The following KIAA1549L variants were observed in gnomAD, a reference collection of about 807,000 sequenced individuals.
KIAA1549L encodes KIAA1549 like.
KIAA1549L carries 88 observed loss-of-function variants against 160.7 expected under a neutral mutation model. That is an observed-to-expected ratio of 0.55 (90% CI 0.46 to 0.65). The LOEUF is 0.65. Among genes scored for constraint, KIAA1549L ranks in the 30% least tolerant of loss-of-function variants. KIAA1549L has a pLI of 0.00. For missense variants in KIAA1549L, 2,258 were observed against 2,437.5 expected, an observed-to-expected ratio of 0.93 and a Z score of 1.55; for synonymous variants, 950 against 976.7, an observed-to-expected ratio of 0.97 and a Z score of 0.51.
At chr11:33,430,280 C>G (rs1387524674) in intron 1 of KIAA1549L, among the ~76,000 whole-genome samples, 13 of 148,948 alleles carry the variant, frequency 8.7e-5, no homozygotes, top group African/African-American at 3.0e-4. Flanking sequence ...CTCCCTCCAC[C>G]TATAGGACCT....
intron 5 of KIAA1549L, among the ~76,000 whole-genome samples, chr11:33,551,667 T>C (rs1854467948): frequency 6.6e-6 from 1 of 152,230 alleles, no homozygotes; most frequent in African/African-American, 2.4e-5. Flanking sequence ...ATATATTTTT[T>C]TCAAACTCTC....
At chr11:33,423,923 G>T (rs1026745575) in intron 1 of KIAA1549L, among the ~76,000 whole-genome samples, 1 of 152,160 alleles carries the variant, frequency 6.6e-6, no homozygotes, top group Admixed American at 6.5e-5. Flanking sequence ...CAGCTAGTCT[G>T]CAGGCTGAGG....
At chr11:33,666,708 T>C (rs1408640030) in intron 20 of KIAA1549L, among the ~76,000 whole-genome samples, 1 of 152,238 alleles carries the variant, frequency 6.6e-6, no homozygotes, top group Non-Finnish European at 1.5e-5. Flanking sequence ...CTTCCACTTT[T>C]GATGAAGAGA....
chr11:33,544,969 C>A lies in KIAA1549L; in HGVS notation c.2976C>A (p.Gly992=), dbSNP rs1854188356. ...ATGTCACAAACAAGGCCGCATCTGG[C>A]CCAAAGAGGACACCAGGGGCAGTCC... ...AKNVTNKAAS[G]PKRTPGAVHT... Residue 992 remains glycine (G), a synonymous_variant, in exon 3 of 21, where the codon GGC becomes GGA. Coordinates refer to ENST00000658780, the MANE Select transcript of KIAA1549L (RefSeq NM_012194.3). 1 of 1,613,860 alleles carries A rather than the reference C, an allele frequency of 6.2e-7. No homozygotes were observed. Among genetic ancestry groups the A allele is most frequent in the Admixed American group, 1.7e-5 (1 of 60,006 alleles).
intron 12 of KIAA1549L, among the ~76,000 whole-genome samples, chr11:33,592,717 T>A (rs956533870): frequency 8.5e-5 from 13 of 152,130 alleles, no homozygotes; most frequent in African/African-American, 3.1e-4. Flanking sequence ...CAGGTGGTGA[T>A]GAGTACAAAG....
intron 10 of KIAA1549L, among the ~76,000 whole-genome samples, chr11:33,581,397 T>TTGTGTGTGTG (rs10579855): frequency 1.5e-4 from 22 of 149,776 alleles, no homozygotes; most frequent in African/African-American, 5.4e-4. Flanking sequence ...TTCTGACAAA[T>TTGTGTGTGTG]TGTGTGTGTG....
At chr11:33,395,323 G>A (rs756250088) in intron 1 of KIAA1549L, among the ~76,000 whole-genome samples, 1 of 152,128 alleles carries the variant, frequency 6.6e-6, no homozygotes, top group Non-Finnish European at 1.5e-5. Context: ...TGTTCATAAC[G>A]CGCTTAACTC....
intron 1 of KIAA1549L, among the ~76,000 whole-genome samples, chr11:33,503,830 A>G (rs1010674086): frequency 6.6e-6 from 1 of 152,248 alleles, no homozygotes; most frequent in Admixed American, 6.5e-5. Context: ...TTCAATTATT[A>G]ACTTGTTCTC....
intron 5 of KIAA1549L, among the ~76,000 whole-genome samples, 151 bp downstream of exon 5, chr11:33,551,410 C>A (rs758818480): frequency 7.9e-5 from 12 of 152,152 alleles, no homozygotes; most frequent in Non-Finnish European, 1.3e-4. Context: ...ATCAAATGTC[C>A]CAGTTCCTTG....
intron 16 of KIAA1549L, among the ~76,000 whole-genome samples, chr11:33,645,143 C>G (rs527340196): frequency 6.6e-6 from 1 of 152,190 alleles, no homozygotes; most frequent in Non-Finnish European, 1.5e-5. Flanking sequence ...CTGGGCCTCA[C>G]CCCCAGAGCT....
intron 16 of KIAA1549L, among the ~76,000 whole-genome samples, chr11:33,638,650 T>C (rs1411305285): frequency 6.6e-6 from 1 of 152,174 alleles, no homozygotes; most frequent in East Asian, 1.9e-4. Flanking sequence ...TCATTTATTT[T>C]GGATAAATAT....
At chr11:33,413,553 C>T (rs910907923) in intron 1 of KIAA1549L, among the ~76,000 whole-genome samples, 1 of 151,824 alleles carries the variant, frequency 6.6e-6, no homozygotes. Flanking sequence ...CTTAACAATC[C>T]TAAGTTAGGA....
intron 15 of KIAA1549L, among the ~76,000 whole-genome samples, chr11:33,612,170 G>A (rs1450379612): frequency 6.6e-6 from 1 of 152,212 alleles, no homozygotes; most frequent in Non-Finnish European, 1.5e-5. Flanking sequence ...GATGAGAATG[G>A]GGAGGGACAG....
intron 11 of KIAA1549L, among the ~76,000 whole-genome samples, chr11:33,587,111 A>T (rs575368554): frequency 6.6e-6 from 1 of 152,336 alleles, no homozygotes; most frequent in Non-Finnish European, 1.5e-5. Context: ...TTAAGTTAAT[A>T]TATATACATC....
rs1282770696 is a variant in KIAA1549L at position 33,668,413 on chromosome 11, T to G, written c.*259T>G. The stretch of plus-strand genomic sequence containing the variant: ...ACTCTCTCATGTCAAATGTTTGAAC[T>G]TTGGGCATGTGCCCTATGGAAGCTT... On this transcript the variant is annotated 3_prime_UTR_variant, in exon 21 of 21. Transcript: ENST00000658780. 8 of 519,148 alleles carry G rather than the reference T, an allele frequency of 1.5e-5. No homozygotes were observed. The highest frequency in any genetic ancestry group is 1.7e-5 in the Non-Finnish European group (5 of 289,944). The allele number at this position is 519,148 out of a possible 1,614,324, so 32.2% of individuals were successfully genotyped here.
intron 1 of KIAA1549L, among the ~76,000 whole-genome samples, chr11:33,487,825 C>G (rs1206254069): frequency 6.6e-6 from 1 of 152,104 alleles, no homozygotes; most frequent in African/African-American, 2.4e-5. Flanking sequence ...TTAGGATTCA[C>G]AGTTGATCAG....
chr11:33,543,855 G>A lies in KIAA1549L; in HGVS notation c.2292G>A (p.Gly764=), dbSNP rs367575104. Reference sequence around the variant, plus strand: ...CTCAGGATTTCAAAGATACTGCTGGGCATTCAGTGACTGCAGAAGGGTTTA... The same window carrying A: ...CTCAGGATTTCAAAGATACTGCTGGACATTCAGTGACTGCAGAAGGGTTTA... The part of the protein sequence containing the change: ...IKSQDFKDTA[G]HSVTAEGFSI... The change falls in exon 2 of 21, where the codon GGG becomes GGA. Residue 764 remains glycine, a synonymous_variant. Transcript: ENST00000658780. 1 of 1,614,002 alleles carries A rather than the reference G, an allele frequency of 6.2e-7. No individual in the cohort carries two copies. Among genetic ancestry groups the A allele is most frequent in the East Asian group, 2.2e-5 (1 of 44,886 alleles).
At chr11:33,606,241 C>T (rs1169537978) in intron 13 of KIAA1549L, among the ~76,000 whole-genome samples, 2 of 152,164 alleles carry the variant, frequency 1.3e-5, no homozygotes, top group Admixed American at 6.5e-5. Flanking sequence ...GAACTGAATG[C>T]TGTTAGTCTG....
At position 33,465,046 on chromosome 11, in the gene KIAA1549L, CTTTTTTTTTTTTT is replaced by C. The variant is rs1008261470; in HGVS notation, c.239-76741_239-76729del. Among the ~76,000 whole-genome samples the C allele has an allele frequency of 3.5e-4, 28 of 79,004 alleles. 1 individual carries two copies. The highest frequency in any genetic ancestry group is 1.4e-3 in the African/African-American group (28 of 19,332). The allele number at this position is 79,004 out of a possible 152,430, so 51.8% of individuals were successfully genotyped here. ...CATTCAACTCGCATGGGACCTTCTT[CTTTTTTTTTTTTT>C]TTTTTTTTTTTTTTGAGACAGAGTC... On this transcript the variant is annotated intron_variant, in intron 1 of 20. Coordinates refer to ENST00000658780, the MANE Select transcript of KIAA1549L (RefSeq NM_012194.3).
Sources: allele counts gnomAD v4.1 joint callset (sites outside exome capture counted in the v4.1 genomes callset), GRCh38; gene constraint gnomAD v4.1.1; transcripts MANE v1.5; gene names NCBI Gene and HGNC (gene_info 2026-07-23, HGNC 2026-07-21).